Variants in PIK3CD observed in about 807,000 individuals in gnomAD.
PIK3CD encodes phosphatidylinositol-4,5-bisphosphate 3-kinase catalytic subunit delta, also known as phosphatidylinositol 4,5-bisphosphate 3-kinase catalytic subunit delta isoform.
A neutral mutation model predicts 122.9 loss-of-function variants in PIK3CD; 20 were observed. The observed-to-expected ratio is 0.16, with a 90% confidence interval of 0.11 to 0.24. PIK3CD has a LOEUF of 0.24. Among genes scored for constraint, PIK3CD ranks in the 10% least tolerant of loss-of-function variants. PIK3CD has a pLI of 1.00. For synonymous variants in PIK3CD, 596 were observed against 593.4 expected, an observed-to-expected ratio of 1.00 and a Z score of -0.06; for missense variants, 787 against 1,406.3, an observed-to-expected ratio of 0.56 and a Z score of 7.04.
the PIK3CD span, among the ~76,000 whole-genome samples, chr1:9,643,197 T>A: frequency 6.6e-6 from 1 of 151,130 alleles, no homozygotes; most frequent in South Asian, 2.1e-4. Flanking sequence ...TCACCGGAGG[T>A]CGGGAGTTCG....
intron 1 of PIK3CD, among the ~76,000 whole-genome samples, chr1:9,684,548 A>G (rs1288898246): frequency 1.3e-5 from 2 of 149,552 alleles, no homozygotes; most frequent in Non-Finnish European, 3.0e-5. Flanking sequence ...AAAAAAAAAA[A>G]AAAAGAAAAA....
intron 1 of PIK3CD, among the ~76,000 whole-genome samples, chr1:9,680,391 C>T (rs1379254795): frequency 6.6e-6 from 1 of 152,054 alleles, no homozygotes; most frequent in East Asian, 1.9e-4. Flanking sequence ...GCTGAACTCA[C>T]TTGAGCCTAG....
chr1:9,722,374 C>T lies in PIK3CD; in HGVS notation c.2347+18C>T, dbSNP rs753787389. The T allele has an allele frequency of 2.0e-5, 32 of 1,594,692 alleles. No homozygotes were observed. The highest frequency in any genetic ancestry group is 4.0e-5 in the African/African-American group (3 of 74,376). The stretch of plus-strand genomic sequence containing the variant: ...CGGGGATGGTGAGGGCCTGGCCTCC[C>T]CACACCCCGCCTGTACTGCCCTGGG... On this transcript the variant is annotated intron_variant, in intron 18 of 23. Coordinates refer to ENST00000377346, the MANE Select transcript of PIK3CD (RefSeq NM_005026.5). The surrounding 1 kb of genome is among the most constrained non-coding windows in gnomAD (Gnocchi z 7.6).
chr1:9,649,433 A>T (rs948681581), upstream of PIK3CD, among the ~76,000 whole-genome samples: 1 of 151,742 alleles, frequency 6.6e-6, no homozygotes, highest in Non-Finnish European at 1.5e-5. Flanking sequence ...GGGTTTTGCC[A>T]TATCACCCAG....
chr1:9,675,470 CAG>C (rs1167229444), intron 1 of PIK3CD, among the ~76,000 whole-genome samples: 3 of 151,300 alleles, frequency 2.0e-5, no homozygotes, highest in Non-Finnish European at 4.4e-5. Context: ...AACTGAGGCA[CAG>C]AAAGGGGAAG....
intron 1 of PIK3CD, among the ~76,000 whole-genome samples, chr1:9,669,449 A>G (rs889483387): frequency 1.3e-5 from 2 of 152,154 alleles, no homozygotes; most frequent in African/African-American, 2.4e-5. Context: ...GCCCAAGACG[A>G]TTGGGTTACA....
At chr1:9,707,422 C>T (rs555803477) in intron 2 of PIK3CD, among the ~76,000 whole-genome samples, 25 of 147,356 alleles carry the variant, frequency 1.7e-4, no homozygotes, top group African/African-American at 6.3e-4. Context: ...TATAGGTAAA[C>T]TTGTGTCGTG....
In PIK3CD at chr1:9,718,246, C is replaced by T. The variant is rs1647868185; in HGVS notation, c.1021-448C>T. 1 of 469,088 alleles carries T rather than the reference C, an allele frequency of 2.1e-6. No homozygotes were observed. Among genetic ancestry groups the T allele is most frequent in the Admixed American group, 2.3e-5 (1 of 42,794 alleles). The allele number at this position is 469,088 out of a possible 1,614,324, so 29.1% of individuals were successfully genotyped here. A position where few individuals can be genotyped will look rare whatever the true frequency, so the allele number is the denominator to read the frequency against. Reference sequence around the variant, plus strand: ...TTCCACTGGCAGGAATCGAGGGGGACTGGATCAGAGGGACTTCCAGGGTGG... The same window carrying T: ...TTCCACTGGCAGGAATCGAGGGGGATTGGATCAGAGGGACTTCCAGGGTGG... On this transcript the variant is annotated intron_variant, in intron 8 of 23. Coordinates refer to ENST00000377346, the MANE Select transcript of PIK3CD (RefSeq NM_005026.5). The surrounding 1 kb of genome is among the most constrained non-coding windows in gnomAD (Gnocchi z 7.2).
At chr1:9,693,404 T>C (rs1307355787) in intron 2 of PIK3CD, among the ~76,000 whole-genome samples, 2 of 151,660 alleles carry the variant, frequency 1.3e-5, no homozygotes, top group South Asian at 4.1e-4. Flanking sequence ...TTTGTGGTTT[T>C]TTTTTTTCAG....
intron 5 of PIK3CD, 74 bp downstream of exon 5, chr1:9,716,152 G>A: frequency 1.6e-6 from 2 of 1,255,136 alleles, no homozygotes; most frequent in East Asian, 2.4e-5. Flanking sequence ...AAACTCCTCA[G>A]TCATCCGCAA....
At chr1:9,686,453 C>T (rs920675966) in intron 1 of PIK3CD, among the ~76,000 whole-genome samples, 5 of 151,826 alleles carry the variant, frequency 3.3e-5, no homozygotes, top group Non-Finnish European at 7.4e-5. Flanking sequence ...CCTCCCACCT[C>T]GGCCTCGCAA....
chr1:9,718,633 G>T lies in PIK3CD; in HGVS notation c.1021-61G>T, dbSNP rs566665752. The T allele has an allele frequency of 6.1e-5, 90 of 1,468,090 alleles. No homozygotes were observed. Among genetic ancestry groups the T allele is most frequent in the Admixed American group, 2.2e-4 (13 of 59,496 alleles). The allele number at this position is 1,468,090 out of a possible 1,614,324, so 90.9% of individuals were successfully genotyped here. A position where few individuals can be genotyped will look rare whatever the true frequency, so the allele number is the denominator to read the frequency against. On this transcript the variant is annotated intron_variant, in intron 8 of 23. Transcript: ENST00000377346. This position sits in a 1 kb window ranked among gnomAD's most constrained non-coding sequence, Gnocchi z 7.2. The stretch of plus-strand genomic sequence containing the variant: ...TTCAAGGGGGAGACTGACACCTTAA[G>T]GGGGAGGGGAGAGGGGCTGGGCCTC...
the PIK3CD span, among the ~76,000 whole-genome samples, chr1:9,631,522 G>C: frequency 6.6e-6 from 1 of 152,222 alleles, no homozygotes; most frequent in Admixed American, 6.5e-5. Context: ...TGGGCATGGT[G>C]GCAGATGCCT....
intron 1 of PIK3CD, among the ~76,000 whole-genome samples, chr1:9,673,494 C>T (rs1330546207): frequency 1.3e-5 from 2 of 152,074 alleles, no homozygotes; most frequent in Non-Finnish European, 2.9e-5. Context: ...CTCCTGACTT[C>T]AAGTGATCCA....
the PIK3CD span, among the ~76,000 whole-genome samples, chr1:9,628,567 A>G: frequency 2.0e-5 from 3 of 152,114 alleles, no homozygotes; most frequent in African/African-American, 7.2e-5. Flanking sequence ...TGGAGGGAGG[A>G]TGGGCCAGTG....
intron 1 of PIK3CD, among the ~76,000 whole-genome samples, chr1:9,664,552 A>G (rs771418112): frequency 6.6e-6 from 1 of 152,186 alleles, no homozygotes; most frequent in Non-Finnish European, 1.5e-5. Context: ...AACAGCATGC[A>G]ATTCGACCCT....
intron 1 of PIK3CD, among the ~76,000 whole-genome samples, chr1:9,657,143 C>A (rs1644881661): frequency 6.6e-6 from 1 of 152,082 alleles, no homozygotes; most frequent in Non-Finnish European, 1.5e-5. Context: ...AAGGGCATCT[C>A]CTCCGTGTGT....
At chr1:9,712,941 G>A (rs1647115249) in intron 3 of PIK3CD, among the ~76,000 whole-genome samples, 1 of 152,128 alleles carries the variant, frequency 6.6e-6, no homozygotes, top group Admixed American at 6.6e-5. Context: ...CAGCACTTTG[G>A]GAGGCGGAAG....
the PIK3CD span, among the ~76,000 whole-genome samples, chr1:9,630,921 G>A: frequency 1.3e-5 from 2 of 152,120 alleles, no homozygotes; most frequent in Non-Finnish European, 2.9e-5. Context: ...GGCTGGCTGG[G>A]TTGGCTCCAT....
Sources: gnomAD v4.1 joint callset for allele counts (sites outside exome capture counted in the v4.1 genomes callset) on GRCh38, gnomAD v4.1.1 for gene constraint, Gnocchi (gnomAD v3.1) non-coding constraint, MANE v1.5 for transcripts, NCBI Gene and HGNC (gene_info 2026-07-23, HGNC 2026-07-21) for gene names.